Variants in C4orf33 observed in about 807,000 individuals in gnomAD.
C4orf33 encodes the protein UPF0462 protein C4orf33.
A neutral mutation model predicts 24.3 loss-of-function variants in C4orf33; 20 were observed. The ratio of observed to expected loss-of-function variants is 0.82; its 90% CI spans 0.58 to 1.19. C4orf33 has a LOEUF of 1.19. C4orf33 is among the 50% of genes most tolerant of loss of function. The pLI, the probability that C4orf33 is intolerant of heterozygous loss-of-function variation, is 0.00. For synonymous variants in C4orf33, 67 were observed against 76.4 expected (o/e 0.88, Z 0.64); for missense variants, 207 against 225.9 (o/e 0.92, Z 0.54).
At chr4:129,094,223 CAA>C (rs1337645353), upstream of C4orf33, among the ~76,000 whole-genome samples, 2 of 151,956 alleles carry the variant, frequency 1.3e-5, no homozygotes, top group Non-Finnish European at 2.9e-5. Flanking sequence ...TTGCAAAAAA[CAA>C]AACGGTAAAA....
intron 2 of C4orf33, among the ~76,000 whole-genome samples, chr4:129,105,433 A>C (rs1472145653): frequency 6.6e-6 from 1 of 152,218 alleles, no homozygotes; most frequent in East Asian, 1.9e-4. Flanking sequence ...AAATATCTGG[A>C]TACCATGGCC....
intron 2 of C4orf33, among the ~76,000 whole-genome samples, chr4:129,106,106 C>T (rs1042658740): frequency 1.3e-5 from 2 of 151,954 alleles, no homozygotes; most frequent in Admixed American, 1.3e-4. Context: ...ATATGAATTC[C>T]ATAATTTACT....
chr4:129,106,511 T>C (rs1753521615), intron 2 of C4orf33, 76 bp from the exon 3 acceptor site: 2 of 740,528 alleles, frequency 2.7e-6, no homozygotes, highest in East Asian at 3.1e-5. Context: ...TCATTTTATA[T>C]TCTAAAGGAA....
chr4:129,104,122 A>G (rs1218464173), intron 2 of C4orf33, among the ~76,000 whole-genome samples: 2 of 152,208 alleles, frequency 1.3e-5, no homozygotes, highest in East Asian at 1.9e-4. Context: ...GGTACTAACA[A>G]TACATTAAAT....
In C4orf33 at chr4:129,115,815, T is replaced by TATAATATATATGTTTATATATA; in HGVS notation, c.*4027_*4028insATATATATGTTTATATATAATA. 1 of 120,280 alleles carries TATAATATATATGTTTATATATA rather than the reference T, an allele frequency of 8.3e-6. No individual in the cohort carries two copies. Among genetic ancestry groups the TATAATATATATGTTTATATATA allele is most frequent in the South Asian group, 2.9e-4 (1 of 3,474 alleles). 7.5% of individuals were successfully genotyped at this position (120,280 alleles called of 1,614,324 possible). On this transcript the variant is annotated 3_prime_UTR_variant, in exon 6 of 6. Coordinates refer to ENST00000425929, the MANE Select transcript of C4orf33 (RefSeq NM_001099783.2). ...TCTTCTAACTAAATATATATATATA[T>TATAATATATATGTTTATATATA]ATATATATATATATAAAATATATAT...
intron 3 of C4orf33, among the ~76,000 whole-genome samples, chr4:129,108,528 A>C (rs1029166932): frequency 6.6e-6 from 1 of 152,166 alleles, no homozygotes; most frequent in Non-Finnish European, 1.5e-5. Flanking sequence ...CTAGTTGTAG[A>C]CTGTCTATGT....
In C4orf33 at chr4:129,113,205, G is replaced by T. The variant is rs1012731016; in HGVS notation, c.*1414G>T. ...TAAAATACTGAATTTGAATGTTGTAGCTTGTGAGCTTTCTCAAATCTAATG... is the reference window on the plus strand; with the variant it reads ...TAAAATACTGAATTTGAATGTTGTATCTTGTGAGCTTTCTCAAATCTAATG... On this transcript the variant is annotated 3_prime_UTR_variant, in exon 6 of 6. Transcript: ENST00000425929. 3.3e-5 allele frequency: 5 copies of T among 152,112 alleles called. No homozygotes were observed. Among genetic ancestry groups the T allele is most frequent in the African/African-American group, 1.2e-4 (5 of 41,416 alleles). 9.4% of individuals were successfully genotyped at this position (152,112 alleles called of 1,614,324 possible).
chr4:129,102,920 T>C (rs1753404786), intron 2 of C4orf33, 129 bp downstream of exon 2: 1 of 686,924 alleles, frequency 1.5e-6, no homozygotes, highest in South Asian at 2.9e-5. Flanking sequence ...GTTTCTGATA[T>C]TTCCTACCAA....
intron 1 of C4orf33, among the ~76,000 whole-genome samples, chr4:129,097,081 G>C (rs1021534327): frequency 1.3e-5 from 2 of 152,124 alleles, no homozygotes; most frequent in Non-Finnish European, 2.9e-5. Context: ...GCTAATTTTT[G>C]TATTTTTAGT....
In C4orf33 at chr4:129,116,636, A is replaced by G. The variant is rs1753780782; in HGVS notation, c.*4845A>G. Reference sequence around the variant, plus strand: ...AGAAATAAAAATTATGCTAAAAACAAACGTATGTTTTTGAATTAGTTTTTT... The same window carrying G: ...AGAAATAAAAATTATGCTAAAAACAGACGTATGTTTTTGAATTAGTTTTTT... On this transcript the variant is annotated 3_prime_UTR_variant, in exon 6 of 6. Coordinates refer to ENST00000425929, the MANE Select transcript of C4orf33 (RefSeq NM_001099783.2). 1 of 152,220 alleles carries G rather than the reference A, an allele frequency of 6.6e-6. No individual in the cohort carries two copies. The highest frequency in any genetic ancestry group is 2.1e-4 in the South Asian group (1 of 4,832). The allele number at this position is 152,220 out of a possible 1,614,324, so 9.4% of individuals were successfully genotyped here.
At position 129,109,555 on chromosome 4, in the gene C4orf33, C is replaced by T. The variant is rs767054190; in HGVS notation, c.377C>T (p.Pro126Leu). The change falls in exon 5 of 6, where the codon CCA becomes CTA. Residue 126 changes from proline to leucine, a missense_variant. Physicochemically the swap from Pro to Leu is moderately conservative, Grantham distance 98. Transcript: ENST00000425929. ...GCTTATCTCCCTTGGAGTTATTTTC[C>T]ACCAAATGTGACAAAATTCAATTCA... ...GKAYLPWSYF[P>L]PNVTKFNSFA... 5 of 1,613,690 alleles carry T rather than the reference C, an allele frequency of 3.1e-6. No individual in the cohort carries two copies. The Admixed American group carries it at 6.7e-5, about 22-fold the overall frequency.
At chr4:129,101,374 G>A (rs1319420442) in intron 1 of C4orf33, among the ~76,000 whole-genome samples, 3 of 151,768 alleles carry the variant, frequency 2.0e-5, no homozygotes, top group African/African-American at 4.8e-5. Flanking sequence ...ATGAAGCAAA[G>A]GAATACATTC....
chr4:129,111,597 GT>G (rs1328323242), intron 5 of C4orf33, 88 bp from the exon 6 acceptor site: 2 of 711,488 alleles, frequency 2.8e-6, no homozygotes, highest in East Asian at 5.3e-5. Context: ...TTGTATTACA[GT>G]TGTGACAAAA....
At position 129,114,556 on chromosome 4, in the gene C4orf33, A is replaced by G. The variant is rs1753745438; in HGVS notation, c.*2765A>G. 6.6e-6 allele frequency: 1 copy of G among 152,228 alleles called. No homozygotes were observed. The highest frequency in any genetic ancestry group is 1.5e-5 in the Non-Finnish European group (1 of 68,060). 9.4% of individuals were successfully genotyped at this position (152,228 alleles called of 1,614,324 possible). A position where few individuals can be genotyped will look rare whatever the true frequency, so the allele number is the denominator to read the frequency against. On this transcript the variant is annotated 3_prime_UTR_variant, in exon 6 of 6. Transcript: ENST00000425929. ...CCTATGTTTGCTTCATGGGGAACCC[A>G]GGCTAAGTCAGTGATTACCTAAAGC...
At chr4:129,095,022 A>T (rs1468546129), upstream of C4orf33, among the ~76,000 whole-genome samples, 1 of 152,176 alleles carries the variant, frequency 6.6e-6, no homozygotes, top group Non-Finnish European at 1.5e-5. Flanking sequence ...GATGAGTGGT[A>T]TTTACATAAA....
rs372722498 is a variant in C4orf33 at position 129,109,643 on chromosome 4, T to G, written c.465T>G (p.His155Gln). Reference sequence around the variant, plus strand: ...AAGCTCTTTACCCTGTACCTCAGCATGAACTGCAGCAAGGACAAAAACCTG... The same window carrying G: ...AAGCTCTTTACCCTGTACCTCAGCAGGAACTGCAGCAAGGACAAAAACCTG... ...SYEALYPVPQ[H>Q]ELQQGQKPDF... is the part of the protein sequence containing the mutation. The change falls in exon 5 of 6, where the codon CAT becomes CAG. Residue 155 changes from histidine (H) to glutamine (Q), a missense_variant. Physicochemically the swap from His to Gln is conservative, Grantham distance 24. Transcript: ENST00000425929. 2 of 1,613,812 alleles carry G rather than the reference T, an allele frequency of 1.2e-6. No homozygotes were observed. The highest frequency in any genetic ancestry group is 1.3e-5 in the African/African-American group (1 of 74,942).
intron 2 of C4orf33, 138 bp from the exon 3 acceptor site, chr4:129,106,446 ATTT>A: frequency 2.1e-6 from 1 of 482,764 alleles, no homozygotes; most frequent in Non-Finnish European, 3.7e-6. Flanking sequence ...GGCAATGTCT[ATTT>A]TCTTTGCTCT....
chr4:129,096,232 C>T (rs867078079), intron 1 of C4orf33, 23 bp downstream of exon 1: 1 of 152,186 alleles, frequency 6.6e-6, no homozygotes, highest in African/African-American at 2.4e-5. Context: ...TAGTTGTTCC[C>T]TCTTCTCTCT....
rs1753729317 is a variant in C4orf33 at position 129,113,494 on chromosome 4, T to C, written c.*1703T>C. On this transcript the variant is annotated 3_prime_UTR_variant, in exon 6 of 6. Coordinates refer to ENST00000425929, the MANE Select transcript of C4orf33 (RefSeq NM_001099783.2). Reference sequence around the variant, plus strand: ...TTTGTAATAGCCATTTCAAATTTGTTTTTCAACTTCAGGACCATGAAAGAA... The same window carrying C: ...TTTGTAATAGCCATTTCAAATTTGTCTTTCAACTTCAGGACCATGAAAGAA... The C allele has an allele frequency of 6.6e-6, 1 of 152,216 alleles. No homozygotes were observed. Among genetic ancestry groups the C allele is most frequent in the Admixed American group, 6.5e-5 (1 of 15,284 alleles). The allele number at this position is 152,216 out of a possible 1,614,324, so 9.4% of individuals were successfully genotyped here.
Sources: gnomAD v4.1 joint callset for allele counts (sites outside exome capture counted in the v4.1 genomes callset) on GRCh38, gnomAD v4.1.1 for gene constraint, MANE v1.5 for transcripts, NCBI Gene and HGNC (gene_info 2026-07-23, HGNC 2026-07-21) for gene names.